NAV3: variants seen among roughly 807,000 people sequenced by gnomAD.
NAV3 encodes the protein neuron navigator 3.
In NAV3, 87 loss-of-function variants were observed where a neutral mutation model predicts 244.7. The ratio of observed to expected loss-of-function variants is 0.36; its 90% confidence interval spans 0.30 to 0.42. NAV3 has a LOEUF of 0.42. Among genes scored for constraint, NAV3 ranks in the 20% least tolerant of loss-of-function variants. NAV3 has a pLI of 1.00. For missense variants in NAV3, 2,663 were observed against 2,893.3 expected (o/e 0.92, Z 1.83); for synonymous variants, 1,126 against 1,042.2 (o/e 1.08, Z -1.55).
chr12:77,922,929 G>A (rs1887845942), intron 1 of NAV3, among the ~76,000 whole-genome samples: 1 of 151,894 alleles, frequency 6.6e-6, no homozygotes, highest in Non-Finnish European at 1.5e-5. Flanking sequence ...ATTACACCCT[G>A]AATTTGCTTC....
chr12:78,076,690 A>T (rs564384443), intron 12 of NAV3, among the ~76,000 whole-genome samples: 8 of 152,122 alleles, frequency 5.3e-5, no homozygotes, highest in Non-Finnish European at 8.8e-5. Flanking sequence ...AGAGCTTTTT[A>T]AAAAAAACAC....
intron 5 of NAV3, among the ~76,000 whole-genome samples, chr12:77,980,554 C>A (rs188020699): frequency 8.4e-4 from 127 of 152,064 alleles, no homozygotes; most frequent in Non-Finnish European, 1.4e-3. Context: ...GTGGTCTTTG[C>A]CTAAGTTGGT....
intron 2 of NAV3, among the ~76,000 whole-genome samples, chr12:77,733,436 C>T (rs1269699065): frequency 6.6e-6 from 1 of 151,580 alleles, no homozygotes; most frequent in African/African-American, 2.4e-5. Flanking sequence ...TGGTTCAAAG[C>T]CAGAGAAAGA....
intron 11 of NAV3, among the ~76,000 whole-genome samples, chr12:78,055,722 C>T (rs1185164673): frequency 6.6e-6 from 1 of 152,114 alleles, no homozygotes; most frequent in African/African-American, 2.4e-5. Flanking sequence ...ATGTATCAGG[C>T]CTGGAAGTCA....
At chr12:78,203,559 A>C (rs923276918) in intron 38 of NAV3, among the ~76,000 whole-genome samples, 4 of 152,114 alleles carry the variant, frequency 2.6e-5, no homozygotes, top group African/African-American at 9.7e-5. Context: ...TCCAGAAGAA[A>C]CTCAAAAGAA....
chr12:77,669,789 T>C (rs1242939066), intron 2 of NAV3, among the ~76,000 whole-genome samples: 1 of 152,086 alleles, frequency 6.6e-6, no homozygotes, highest in African/African-American at 2.4e-5. Context: ...AGTAGACATG[T>C]CATCCAGACA....
chr12:77,836,069 C>G (rs925460737), intron 1 of NAV3, among the ~76,000 whole-genome samples: 1 of 152,296 alleles, frequency 6.6e-6, no homozygotes, highest in Non-Finnish European at 1.5e-5. Flanking sequence ...CTCAAATTTT[C>G]TAATCTCTCT....
exon 2 of NAV3, chr12:77,572,193 T>C (rs2136642893): frequency 6.5e-6 from 1 of 154,412 alleles, no homozygotes; most frequent in Admixed American, 6.5e-5. Flanking sequence ...GAACCTAATG[T>C]GATGGATTTA....
At chr12:77,979,875 ACTGAGAGAACG>A (rs1458591877) in intron 5 of NAV3, among the ~76,000 whole-genome samples, 4 of 152,240 alleles carry the variant, frequency 2.6e-5, no homozygotes, top group Admixed American at 6.5e-5. Flanking sequence ...AAAGCCACTT[ACTGAGAGAACG>A]AGTATTGCCA....
At chr12:77,641,464 A>C (rs1296134888) in intron 2 of NAV3, among the ~76,000 whole-genome samples, 1 of 152,152 alleles carries the variant, frequency 6.6e-6, no homozygotes, top group African/African-American at 2.4e-5. Context: ...ACAATGAAAG[A>C]TATACAGTTT....
At chr12:78,010,817 G>T (rs1875142933) in intron 8 of NAV3, 1 of 151,882 alleles carries the variant, frequency 6.6e-6, no homozygotes. Flanking sequence ...GATGGCTGAT[G>T]GTGACTTTTT....
At chr12:77,866,817 A>G (rs1880114338) in intron 1 of NAV3, among the ~76,000 whole-genome samples, 1 of 152,226 alleles carries the variant, frequency 6.6e-6, no homozygotes, top group East Asian at 1.9e-4. Context: ...AAATTCTTCC[A>G]TGAAATAACA....
Position 78,137,254 on chromosome 12 carries a change from T to C in NAV3, c.4519T>C (p.Ser1507Pro). 1 of 1,613,794 alleles carries C rather than the reference T, an allele frequency of 6.2e-7. No individual in the cohort carries two copies. Among genetic ancestry groups the C allele is most frequent in the Non-Finnish European group, 8.5e-7 (1 of 1,179,786 alleles). ...CTCAAACAGCATCCCAGCCCAAGAC[T>C]CTTCCTTCGATCTCTATGATGACTC... ...MRSNSIPAQD[S>P]SFDLYDDSQL... Residue 1507 changes from serine (S) to proline (P), a missense_variant, in exon 19 of 40, where the codon TCT becomes CCT. This residue lies in a region of NAV3 where 354 missense variants were observed against 413.0 expected (regional missense o/e 0.86). Coordinates refer to ENST00000397909, the MANE Select transcript of NAV3 (RefSeq NM_001024383.2).
At chr12:77,926,931 C>T (rs1006029747) in intron 1 of NAV3, among the ~76,000 whole-genome samples, 52 of 152,242 alleles carry the variant, frequency 3.4e-4, no homozygotes, top group Admixed American at 1.6e-3. Context: ...AAGGCTTAAA[C>T]GGAATTTATT....
At chr12:77,840,723 C>A (rs1875490751) in intron 1 of NAV3, among the ~76,000 whole-genome samples, 1 of 152,164 alleles carries the variant, frequency 6.6e-6, no homozygotes, top group African/African-American at 2.4e-5. Context: ...TATACCCAAG[C>A]TATAACTCTG....
At chr12:78,116,675 G>T in intron 12 of NAV3, 97 bp from the exon 13 acceptor site, 1 of 1,241,992 alleles carries the variant, frequency 8.1e-7, no homozygotes, top group Admixed American at 3.0e-5. Context: ...TTAAAAGAAT[G>T]TCTTAATAAT....
intron 2 of NAV3, among the ~76,000 whole-genome samples, chr12:77,634,115 G>T (rs1872047000): frequency 1.3e-5 from 1 of 76,782 alleles, no homozygotes; most frequent in African/African-American, 5.3e-5. Flanking sequence ...AACCACCTTG[G>T]CAAATCTCCC....
intron 2 of NAV3, among the ~76,000 whole-genome samples, chr12:77,783,792 G>A (rs1164724831): frequency 1.3e-5 from 2 of 152,140 alleles, no homozygotes; most frequent in Non-Finnish European, 2.9e-5. Context: ...TGCCTGGAGT[G>A]CAGATTCTAT....
intron 1 of NAV3, among the ~76,000 whole-genome samples, chr12:77,879,267 A>G (rs1202208310): frequency 6.6e-6 from 1 of 152,208 alleles, no homozygotes; most frequent in African/African-American, 2.4e-5. Context: ...AGATATATAA[A>G]TAAACTCTTT....
Sources: allele counts gnomAD v4.1 joint callset (sites outside exome capture counted in the v4.1 genomes callset), GRCh38; gene constraint gnomAD v4.1.1; regional missense constraint gnomAD v4.1.1; transcripts MANE v1.5; gene names NCBI Gene and HGNC (gene_info 2026-07-23, HGNC 2026-07-21).